Variants in MIR2052HG observed in about 807,000 individuals in gnomAD.
The protein encoded by MIR2052HG is MIR2052 host gene.
At chr8:74,711,748 T>C (rs1281236292) in intron 4 of MIR2052HG, among the ~76,000 whole-genome samples, 1 of 152,240 alleles carries the variant, frequency 6.6e-6, no homozygotes, top group African/African-American at 2.4e-5. Flanking sequence ...CTGGATGTTA[T>C]ATGAAATTAA....
chr8:74,668,609 G>A (rs1179173782), intron 2 of MIR2052HG, among the ~76,000 whole-genome samples: 1 of 152,082 alleles, frequency 6.6e-6, no homozygotes, highest in Non-Finnish European at 1.5e-5. Flanking sequence ...TCTCTTTGGG[G>A]CATGGTGGTG....
At position 74,738,041 on chromosome 8, in the gene MIR2052HG, C is replaced by CATGTATGTATGTATCTATCATTT. The variant is rs1809786407; in HGVS notation, n.372-14385_372-14363dup. On this transcript the variant is annotated intron_variant and non_coding_transcript_variant, in intron 4 of 6. Coordinates refer to ENST00000523442, the Ensembl canonical transcript of MIR2052HG. ...TGTATGTATATATCTGTTATGTATG[C>CATGTATGTATGTATCTATCATTT]ATGTATGTATGTATCTATCATTTAT... is the stretch of plus-strand genomic sequence containing the variant. Among the ~76,000 whole-genome samples the CATGTATGTATGTATCTATCATTT allele has an allele frequency of 2.0e-5, 3 of 151,532 alleles. No homozygotes were observed. The South Asian group carries it at 6.3e-4, about 32-fold the overall frequency.
chr8:74,753,545 C>A (rs1012357137), intron 5 of MIR2052HG, among the ~76,000 whole-genome samples: 1 of 152,114 alleles, frequency 6.6e-6, no homozygotes, highest in Non-Finnish European at 1.5e-5. Flanking sequence ...CGTGGCCAGA[C>A]TTTTCTTCTG....
At chr8:74,672,144 T>C (rs974776673) in intron 2 of MIR2052HG, among the ~76,000 whole-genome samples, 8 of 152,116 alleles carry the variant, frequency 5.3e-5, no homozygotes, top group Admixed American at 5.3e-4. Context: ...AGTTATCAAA[T>C]AATATATTAT....
At chr8:74,649,784 A>G (rs1175609902) in intron 2 of MIR2052HG, among the ~76,000 whole-genome samples, 7 of 152,096 alleles carry the variant, frequency 4.6e-5, no homozygotes, top group African/African-American at 1.7e-4. Context: ...ATCATGGAAA[A>G]GTAATATTTA....
intron 2 of MIR2052HG, among the ~76,000 whole-genome samples, chr8:74,652,360 T>C (rs143426858): frequency 3.9e-5 from 6 of 152,306 alleles, no homozygotes; most frequent in African/African-American, 1.2e-4. Flanking sequence ...TTCTCACTTC[T>C]GCAGTGATGA....
intron 4 of MIR2052HG, among the ~76,000 whole-genome samples, chr8:74,705,475 T>A (rs958048077): frequency 6.6e-6 from 1 of 152,058 alleles, no homozygotes; most frequent in Non-Finnish European, 1.5e-5. Flanking sequence ...ATACCACTAC[T>A]CTGGCTGAAT....
intron 2 of MIR2052HG, among the ~76,000 whole-genome samples, chr8:74,647,299 A>G (rs1458574086): frequency 1.3e-5 from 2 of 152,210 alleles, no homozygotes; most frequent in Non-Finnish European, 1.5e-5. Context: ...GTTGCTTTCC[A>G]ATATTTGACT....
intron 2 of MIR2052HG, among the ~76,000 whole-genome samples, chr8:74,676,890 A>G (rs546017747): frequency 3.6e-4 from 55 of 152,122 alleles, no homozygotes; most frequent in Middle Eastern, 3.4e-3. Flanking sequence ...ATGTACAGGT[A>G]TATCAAAATG....
chr8:74,677,367 A>G (rs1022286955), intron 2 of MIR2052HG, among the ~76,000 whole-genome samples: 1 of 152,072 alleles, frequency 6.6e-6, no homozygotes, highest in Non-Finnish European at 1.5e-5. Context: ...CCATTATTAT[A>G]AAACATATCT....
chr8:74,643,935 A>G (rs1808665700), intron 2 of MIR2052HG, among the ~76,000 whole-genome samples: 1 of 152,226 alleles, frequency 6.6e-6, no homozygotes, highest in Non-Finnish European at 1.5e-5. Flanking sequence ...TTATCACAGA[A>G]CTAGATCATT....
At chr8:74,634,029 C>A (rs898430857) in intron 2 of MIR2052HG, among the ~76,000 whole-genome samples, 1 of 152,112 alleles carries the variant, frequency 6.6e-6, no homozygotes, top group African/African-American at 2.4e-5. Flanking sequence ...ATCTGGGAGC[C>A]TAATGGAGGA....
At chr8:74,665,575 C>G (rs1808913782) in intron 2 of MIR2052HG, among the ~76,000 whole-genome samples, 1 of 152,162 alleles carries the variant, frequency 6.6e-6, no homozygotes, top group Non-Finnish European at 1.5e-5. Context: ...GCTTTGCTGT[C>G]ATTAATCACT....
chr8:74,705,840 T>C (rs1199920662), intron 4 of MIR2052HG: 1 of 167,482 alleles, frequency 6.0e-6, no homozygotes, highest in Admixed American at 6.6e-5. Flanking sequence ...ACGATAAAAC[T>C]AGGCCCATGG....
chr8:74,710,298 A>G (rs1809454639), intron 4 of MIR2052HG, among the ~76,000 whole-genome samples: 1 of 152,078 alleles, frequency 6.6e-6, no homozygotes, highest in African/African-American at 2.4e-5. Flanking sequence ...TATTTTCAAG[A>G]CTCATAATTT....
chr8:74,706,453 G>A (rs1024218344), intron 4 of MIR2052HG, among the ~76,000 whole-genome samples: 9 of 152,014 alleles, frequency 5.9e-5, no homozygotes, highest in African/African-American at 1.7e-4. Flanking sequence ...ATTAATTAGC[G>A]TTCACTTCCA....
intron 2 of MIR2052HG, among the ~76,000 whole-genome samples, chr8:74,686,838 A>G (rs959702803): frequency 5.3e-5 from 8 of 152,122 alleles, no homozygotes; most frequent in Non-Finnish European, 1.0e-4. Flanking sequence ...GAGGCAGTTG[A>G]TATTGAAAAG....
At chr8:74,708,151 C>G (rs898697447) in intron 4 of MIR2052HG, among the ~76,000 whole-genome samples, 1 of 152,112 alleles carries the variant, frequency 6.6e-6, no homozygotes, top group Non-Finnish European at 1.5e-5. Flanking sequence ...TATGAAGAGA[C>G]CCCGTGATCT....
At chr8:74,745,002 T>C (rs1416796601) in intron 4 of MIR2052HG, among the ~76,000 whole-genome samples, 1 of 152,176 alleles carries the variant, frequency 6.6e-6, no homozygotes, top group African/African-American at 2.4e-5. Context: ...TGGTGGATCA[T>C]TCCTGTAATC....
Sources: allele counts gnomAD v4.1 joint callset (sites outside exome capture counted in the v4.1 genomes callset), GRCh38; gene constraint gnomAD v4.1.1; transcripts MANE v1.5; gene names NCBI Gene and HGNC (gene_info 2026-07-23, HGNC 2026-07-21).